The following AFF3 variants were observed in gnomAD, a reference collection of about 807,000 sequenced individuals.
The protein encoded by AFF3 is AF4/FMR2 family member 3.
Under a neutral mutation model 129.7 loss-of-function variants are expected in AFF3, and 32 were observed. The ratio of observed to expected loss-of-function variants is 0.25; its 90% CI spans 0.19 to 0.33. AFF3 has a LOEUF of 0.33. AFF3 is among the 10% of genes least tolerant of loss of function. The pLI is 1.00. For missense variants in AFF3, 1,373 were observed against 1,592.0 expected, an observed-to-expected ratio of 0.86 and a Z score of 2.34; for synonymous variants, 644 against 635.4, an observed-to-expected ratio of 1.01 and a Z score of -0.20.
At chr2:99,953,998 T>G (rs919210241) in intron 7 of AFF3, among the ~76,000 whole-genome samples, 3 of 152,214 alleles carry the variant, frequency 2.0e-5, no homozygotes, top group African/African-American at 7.2e-5. Flanking sequence ...AGAGCCTGTA[T>G]CTGGTAGGTT....
intron 4 of AFF3, among the ~76,000 whole-genome samples, chr2:100,019,700 A>T (rs1683426622): frequency 6.6e-6 from 1 of 152,222 alleles, no homozygotes; most frequent in African/African-American, 2.4e-5. Flanking sequence ...CCCTGTGGTC[A>T]CCACAAAAGC....
At chr2:99,645,548 C>T (rs1304131413) in intron 13 of AFF3, among the ~76,000 whole-genome samples, 1 of 152,110 alleles carries the variant, frequency 6.6e-6, no homozygotes, top group East Asian at 1.9e-4. Flanking sequence ...CTTGTCACTG[C>T]TGGGCGGGAG....
At chr2:99,673,393 C>T (rs1345748261) in intron 11 of AFF3, among the ~76,000 whole-genome samples, 1 of 151,998 alleles carries the variant, frequency 6.6e-6, no homozygotes, top group African/African-American at 2.4e-5. Context: ...GAGGAGACAG[C>T]GGGGAAGCAC....
intron 4 of AFF3, among the ~76,000 whole-genome samples, chr2:100,065,066 T>C (rs755260304): frequency 6.6e-6 from 1 of 152,234 alleles, no homozygotes; most frequent in Non-Finnish European, 1.5e-5. Context: ...TTCACGCACA[T>C]TTTATACCAC....
At chr2:100,004,380 AT>A (rs1158752212) in intron 7 of AFF3, among the ~76,000 whole-genome samples, 2 of 152,202 alleles carry the variant, frequency 1.3e-5, no homozygotes, top group East Asian at 3.8e-4. Flanking sequence ...AAATAAAAAT[AT>A]TTATTCCCTC....
At chr2:99,632,384 T>A (rs1683205097) in intron 13 of AFF3, among the ~76,000 whole-genome samples, 2 of 152,156 alleles carry the variant, frequency 1.3e-5, no homozygotes, top group African/African-American at 2.4e-5. Context: ...GAGTTTCAGT[T>A]TGAGAAAATA....
intron 7 of AFF3, among the ~76,000 whole-genome samples, chr2:99,947,832 A>T (rs1290766756): frequency 5.3e-5 from 8 of 152,192 alleles, no homozygotes; most frequent in African/African-American, 1.9e-4. Context: ...CTCAAGAGAG[A>T]TGGAAAGCAT....
At chr2:99,611,480 T>A (rs1680915519) in intron 13 of AFF3, among the ~76,000 whole-genome samples, 1 of 152,124 alleles carries the variant, frequency 6.6e-6, no homozygotes, top group Non-Finnish European at 1.5e-5. Context: ...GGGAGGGTTG[T>A]CTCCCTACAG....
intron 8 of AFF3, among the ~76,000 whole-genome samples, chr2:99,768,282 T>A (rs1683183611): frequency 1.3e-5 from 2 of 152,152 alleles, no homozygotes. Flanking sequence ...CCCCCCAGGA[T>A]CCTAACACCT....
At chr2:100,106,298 T>C (rs1470885074) in intron 2 of AFF3, 2 of 1,169,092 alleles carry the variant, frequency 1.7e-6, no homozygotes, top group Non-Finnish European at 2.1e-6. Context: ...CTCTCAGCCC[T>C]CAAAAACCCC....
At chr2:99,980,017 G>C (rs907272301) in intron 7 of AFF3, among the ~76,000 whole-genome samples, 1 of 151,750 alleles carries the variant, frequency 6.6e-6, no homozygotes, top group African/African-American at 2.4e-5. Flanking sequence ...ATAATTGTGT[G>C]CCCTTAATTA....
At chr2:99,934,079 C>G (rs1553483497) in intron 7 of AFF3, among the ~76,000 whole-genome samples, 1 of 152,126 alleles carries the variant, frequency 6.6e-6, no homozygotes, top group Non-Finnish European at 1.5e-5. Flanking sequence ...GCACCAGGAA[C>G]TGAAAGGAAC....
intron 2 of AFF3, among the ~76,000 whole-genome samples, chr2:100,121,340 A>G (rs762342619): frequency 3.9e-5 from 6 of 152,198 alleles, no homozygotes; most frequent in Non-Finnish European, 8.8e-5. Flanking sequence ...GGACAGCTTG[A>G]TAGTGTAGCT....
intron 4 of AFF3, chr2:100,011,476 C>T (rs200111761): frequency 5.1e-6 from 4 of 780,846 alleles, no homozygotes; most frequent in South Asian, 1.3e-5. Flanking sequence ...TCTCAGAAGG[C>T]CCCCATGCCC....
chr2:99,790,574 G>A (rs1685124227), intron 8 of AFF3, among the ~76,000 whole-genome samples: 1 of 152,156 alleles, frequency 6.6e-6, no homozygotes, highest in Non-Finnish European at 1.5e-5. Flanking sequence ...TTTTATAGCA[G>A]GTTTCAAACA....
intron 13 of AFF3, among the ~76,000 whole-genome samples, chr2:99,640,530 A>G (rs1027631136): frequency 7.9e-5 from 12 of 151,886 alleles, no homozygotes; most frequent in African/African-American, 2.9e-4. Context: ...TAAATTCCAG[A>G]CCAAGTTCAA....
rs1318545334 is a variant in AFF3, at chr2:99,550,994, A to G, written c.*480T>C. On this transcript the variant is annotated 3_prime_UTR_variant, in exon 25 of 25. Coordinates refer to ENST00000672756, the MANE Select transcript of AFF3 (RefSeq NM_001386135.1). Reference sequence around the variant, plus strand: ...ATTAATACTGAAAGTAATCAACAGTATAAGAGCAGGTCCATCTTCACTGGC... The same window carrying G: ...ATTAATACTGAAAGTAATCAACAGTGTAAGAGCAGGTCCATCTTCACTGGC... The G allele has an allele frequency of 2.6e-6, 1 of 387,628 alleles. No individual in the cohort carries two copies. The highest frequency in any genetic ancestry group is 4.6e-6 in the Non-Finnish European group (1 of 218,556). The allele number at this position is 387,628 out of a possible 1,614,324, so 24.0% of individuals were successfully genotyped here.
intron 4 of AFF3, among the ~76,000 whole-genome samples, chr2:100,072,271 AT>A (rs889915977): frequency 1.1e-4 from 17 of 152,140 alleles, no homozygotes; most frequent in African/African-American, 3.6e-4. Context: ...AGTAAACCCT[AT>A]TGTGAACTGT....
intron 13 of AFF3, among the ~76,000 whole-genome samples, chr2:99,618,522 C>T (rs767672894): frequency 5.3e-5 from 8 of 151,968 alleles, no homozygotes; most frequent in Non-Finnish European, 1.0e-4. Context: ...AGGTGTGAGC[C>T]ACCGCACCCA....
Sources: gnomAD v4.1 joint callset for allele counts (sites outside exome capture counted in the v4.1 genomes callset) on GRCh38, gnomAD v4.1.1 for gene constraint, MANE v1.5 for transcripts, NCBI Gene and HGNC (gene_info 2026-07-23, HGNC 2026-07-21) for gene names.